RPL22: variants seen among roughly 807,000 people sequenced by gnomAD.
The protein encoded by RPL22 is ribosomal protein L22, also known as large ribosomal subunit protein eL22.
A neutral mutation model predicts 16.2 loss-of-function variants in RPL22; 4 were observed. The ratio of observed to expected loss-of-function variants is 0.25; its 90% CI spans 0.12 to 0.57. The LOEUF (loss-of-function observed/expected upper bound fraction) is 0.57. RPL22 is among the 20% of genes least tolerant of loss of function. The pLI is 0.92. For missense variants in RPL22, 83 were observed against 156.1 expected, an observed-to-expected ratio of 0.53 and a Z score of 2.49; for synonymous variants, 43 against 54.8, an observed-to-expected ratio of 0.78 and a Z score of 0.95.
Position 6,185,467 on chromosome 1 carries a change from C to T in RPL22, c.*1205G>A, listed in dbSNP as rs191624433. 29 of 398,076 alleles carry T rather than the reference C, an allele frequency of 7.3e-5. No individual in the cohort carries two copies. The Admixed American group carries it at 7.9e-4, about 11-fold the overall frequency. The allele number at this position is 398,076 out of a possible 1,614,324, so 24.7% of individuals were successfully genotyped here. A position where few individuals can be genotyped will look rare whatever the true frequency, so the allele number is the denominator to read the frequency against. On this transcript the variant is annotated 3_prime_UTR_variant, in exon 4 of 4. Transcript: ENST00000234875. The stretch of plus-strand genomic sequence containing the variant: ...TGAAATTGCAAAGCCTCAACACGTT[C>T]AACTCAATCCACAGAGCACCAAATG...
intron 2 of RPL22, among the ~76,000 whole-genome samples, chr1:6,193,893 T>C (rs751876824): frequency 2.4e-4 from 36 of 152,166 alleles, no homozygotes; most frequent in Non-Finnish European, 2.8e-4. Flanking sequence ...ACGAAAGGCT[T>C]AGAAGGACAA....
At chr1:6,199,434 C>G in intron 1 of RPL22, 128 bp downstream of exon 1, 1 of 1,436,436 alleles carries the variant, frequency 7.0e-7, no homozygotes, top group Non-Finnish European at 9.2e-7. Context: ...CCCGCTCCGG[C>G]CGACCTGCCA....
chr1:6,187,638 A>G (rs1459905946), intron 3 of RPL22, among the ~76,000 whole-genome samples: 1 of 152,002 alleles, frequency 6.6e-6, no homozygotes, highest in Non-Finnish European at 1.5e-5. Context: ...AAAAAAAAAA[A>G]ACAAGAGCAG....
At chr1:6,189,981 G>A (rs983090585) in intron 3 of RPL22, among the ~76,000 whole-genome samples, 33 of 152,096 alleles carry the variant, frequency 2.2e-4, no homozygotes, top group African/African-American at 7.0e-4. Flanking sequence ...TTCTAGATTC[G>A]GGACACCTTG....
At chr1:6,189,032 C>A (rs960862371) in intron 3 of RPL22, among the ~76,000 whole-genome samples, 2 of 152,192 alleles carry the variant, frequency 1.3e-5, no homozygotes, top group Non-Finnish European at 2.9e-5. Context: ...GTCATCCACC[C>A]GTCTGGGCCT....
chr1:6,197,792 TTCAG>T, intron 1 of RPL22, 36 bp from the exon 2 acceptor site: 1 of 1,448,334 alleles, frequency 6.9e-7, no homozygotes, highest in South Asian at 1.1e-5. Flanking sequence ...GAGATGAAGT[TTCAG>T]TCAGTCGGAA....
chr1:6,196,838 A>G (rs1241940128), intron 2 of RPL22, among the ~76,000 whole-genome samples: 2 of 152,154 alleles, frequency 1.3e-5, no homozygotes, highest in Non-Finnish European at 2.9e-5. Flanking sequence ...TAAACACTGA[A>G]GCTCAGATGC....
At chr1:6,198,260 G>C (rs1667746893) in intron 1 of RPL22, 1 of 154,778 alleles carries the variant, frequency 6.5e-6, no homozygotes, top group African/African-American at 2.4e-5. Flanking sequence ...CCTTAATCCT[G>C]TCTCATCCAC....
chr1:6,190,110 A>G (rs1667631321), intron 3 of RPL22, among the ~76,000 whole-genome samples: 2 of 152,184 alleles, frequency 1.3e-5, no homozygotes, highest in Admixed American at 1.3e-4. Context: ...CAAGTGACGC[A>G]TGTCAGGAGA....
chr1:6,189,318 T>C (rs1340155529), intron 3 of RPL22, among the ~76,000 whole-genome samples: 4 of 152,230 alleles, frequency 2.6e-5, no homozygotes, highest in Non-Finnish European at 4.4e-5. Context: ...AATTTGGTCA[T>C]TCCATCTAAA....
intron 2 of RPL22, among the ~76,000 whole-genome samples, chr1:6,197,131 G>A (rs535427308): frequency 2.0e-5 from 3 of 152,206 alleles, no homozygotes; most frequent in Admixed American, 6.5e-5. Context: ...CCGTGTTCAC[G>A]CGATTCTTCT....
chr1:6,193,198 T>A, intron 2 of RPL22, 144 bp from the exon 3 acceptor site: 1 of 947,470 alleles, frequency 1.1e-6, no homozygotes, highest in Non-Finnish European at 1.6e-6. Context: ...CACAGCTCAC[T>A]GCAGTCTCAA....
At chr1:6,197,865 C>G in intron 1 of RPL22, 109 bp from the exon 2 acceptor site, 1 of 828,192 alleles carries the variant, frequency 1.2e-6, no homozygotes, top group Non-Finnish European at 2.0e-6. Context: ...AAATACAAAA[C>G]TAACGGAAGT....
At position 6,193,065 on chromosome 1, in the gene RPL22, C is replaced by G; in HGVS notation, c.118-11G>C. ...TTGCAAAAACTGCTCCTGTAGAAATCATTAAATTGACCAATGAAGTGACAA... is the reference window on the plus strand; with the variant it reads ...TTGCAAAAACTGCTCCTGTAGAAATGATTAAATTGACCAATGAAGTGACAA... On this transcript the variant is annotated splice_polypyrimidine_tract_variant and intron_variant, in intron 2 of 3. Coordinates refer to ENST00000234875, the MANE Select transcript of RPL22 (RefSeq NM_000983.4). 2.5e-6 allele frequency: 4 copies of G among 1,613,908 alleles called. No homozygotes were observed. The highest frequency in any genetic ancestry group is 3.4e-6 in the Non-Finnish European group (4 of 1,179,942).
chr1:6,197,088 G>GGTGC (rs1667729982), intron 2 of RPL22, among the ~76,000 whole-genome samples: 1 of 152,234 alleles, frequency 6.6e-6, no homozygotes, highest in Non-Finnish European at 1.5e-5. Context: ...GGAGTGCAAT[G>GGTGC]GTGCGATCTC....
chr1:6,190,253 G>A (rs1282163464), intron 3 of RPL22, among the ~76,000 whole-genome samples: 2 of 152,220 alleles, frequency 1.3e-5, no homozygotes, highest in African/African-American at 4.8e-5. Flanking sequence ...GGCAGACTGT[G>A]AGGACTTCAC....
chr1:6,185,367 G>A lies in RPL22; in HGVS notation c.*1305C>T. The A allele has an allele frequency of 2.5e-6, 1 of 399,092 alleles. No individual in the cohort carries two copies. 24.7% of individuals were successfully genotyped at this position (399,092 alleles called of 1,614,324 possible). ...AAACTCTGCTTTCTGTGACGGCAGAGAAGAAATATGCAAGCAATTCTGCTT... is the reference window on the plus strand; with the variant it reads ...AAACTCTGCTTTCTGTGACGGCAGAAAAGAAATATGCAAGCAATTCTGCTT... On this transcript the variant is annotated 3_prime_UTR_variant, in exon 4 of 4. Transcript: ENST00000234875.
Position 6,186,362 on chromosome 1 carries a change from C to T in RPL22, c.*310G>A, listed in dbSNP as rs1046325479. 6.8e-6 allele frequency: 2 copies of T among 292,968 alleles called. No homozygotes were observed. The highest frequency in any genetic ancestry group is 1.3e-5 in the Non-Finnish European group (2 of 157,188). The allele number at this position is 292,968 out of a possible 1,614,324, so 18.1% of individuals were successfully genotyped here. A position where few individuals can be genotyped will look rare whatever the true frequency, so the allele number is the denominator to read the frequency against. On this transcript the variant is annotated 3_prime_UTR_variant, in exon 4 of 4. Coordinates refer to ENST00000234875, the MANE Select transcript of RPL22 (RefSeq NM_000983.4). Reference sequence around the variant, plus strand: ...GCAACAGATACAACTGACAGTCACACTTTTTAAAATCAAACAGTCACTACC... The same window carrying T: ...GCAACAGATACAACTGACAGTCACATTTTTTAAAATCAAACAGTCACTACC...
chr1:6,186,790 T>C lies in RPL22; in HGVS notation c.269A>G (p.Tyr90Cys). 1 of 1,613,212 alleles carries C rather than the reference T, an allele frequency of 6.2e-7. No individual in the cohort carries two copies. Among genetic ancestry groups the C allele is most frequent in the Non-Finnish European group, 8.5e-7 (1 of 1,179,714 alleles). ...KRYLKYLTKK[Y>C]LKKNNLRDWL... ...GTCACGTAGATTATTCTTCTTCAAA[T>C]ATTTTTTGGTGAGATATTTCAAATA... The change falls in exon 4 of 4, where the codon TAT becomes TGT. Residue 90 changes from tyrosine to cysteine, a missense_variant. Tyr to Cys is a radical substitution (Grantham distance 194). Coordinates refer to ENST00000234875, the MANE Select transcript of RPL22 (RefSeq NM_000983.4).
Sources: gnomAD v4.1 joint callset for allele counts (sites outside exome capture counted in the v4.1 genomes callset) on GRCh38, gnomAD v4.1.1 for gene constraint, MANE v1.5 for transcripts, NCBI Gene and HGNC (gene_info 2026-07-23, HGNC 2026-07-21) for gene names.